Variants in HELZ observed in about 807,000 individuals in gnomAD.
HELZ encodes the protein ATP-dependent RNA helicase with zinc finger domain.
Under a neutral mutation model 218.2 loss-of-function variants are expected in HELZ, and 23 were observed. The observed-to-expected ratio is 0.11, with a 90% CI of 0.08 to 0.15. The LOEUF (loss-of-function observed/expected upper bound fraction) is 0.15. Among genes scored for constraint, HELZ ranks in the 10% least tolerant of loss-of-function variants. The probability of loss-of-function intolerance (pLI) is 1.00; values close to 1 mark genes in which losing one functional copy is unlikely to be tolerated. For synonymous variants in HELZ, 814 were observed against 829.4 expected (o/e 0.98, Z 0.32); for missense variants, 1,813 against 2,353.7 (o/e 0.77, Z 4.75).
At chr17:67,133,271 C>T (rs2038042991) in intron 23 of HELZ, among the ~76,000 whole-genome samples, 1 of 152,134 alleles carries the variant, frequency 6.6e-6, no homozygotes, top group Admixed American at 6.5e-5. Context: ...GCAGACTCAG[C>T]TTTGAAGTTA....
chr17:67,216,939 G>C (rs1375339786), intron 4 of HELZ, among the ~76,000 whole-genome samples: 1 of 152,108 alleles, frequency 6.6e-6, no homozygotes, highest in Admixed American at 6.5e-5. Flanking sequence ...TCTTGACACT[G>C]CAGCAGCCCA....
chr17:67,178,972 A>C (rs1363752892), intron 12 of HELZ, 46 bp from the exon 13 acceptor site: 11 of 1,274,532 alleles, frequency 8.6e-6, no homozygotes, highest in Non-Finnish European at 1.2e-5. Flanking sequence ...AGAACATTAA[A>C]ATTTTTAAAT....
chr17:67,217,420 T>C (rs1435739924), intron 4 of HELZ, among the ~76,000 whole-genome samples: 2 of 152,192 alleles, frequency 1.3e-5, no homozygotes, highest in Non-Finnish European at 2.9e-5. Context: ...ATTCTAATAG[T>C]CTCCAATCTA....
chr17:67,212,835 T>G (rs1008330213), intron 5 of HELZ, among the ~76,000 whole-genome samples: 1 of 152,178 alleles, frequency 6.6e-6, no homozygotes, highest in African/African-American at 2.4e-5. Flanking sequence ...GATTACTGAC[T>G]TAGGATAGTA....
chr17:67,207,305 C>T (rs995436638), intron 5 of HELZ, among the ~76,000 whole-genome samples: 6 of 149,882 alleles, frequency 4.0e-5, no homozygotes, highest in African/African-American at 7.4e-5. Context: ...CTGCAACCAC[C>T]GCCTCCTCAG....
intron 29 of HELZ, 80 bp downstream of exon 29, chr17:67,109,036 T>TG: frequency 8.3e-7 from 1 of 1,205,956 alleles, no homozygotes; most frequent in Non-Finnish European, 1.2e-6. Flanking sequence ...CAATTCAATC[T>TG]TAACCCAAAA....
At chr17:67,195,837 CCTT>C (rs1207865965) in intron 7 of HELZ, among the ~76,000 whole-genome samples, 4 of 66,830 alleles carry the variant, frequency 6.0e-5, no homozygotes, top group Admixed American at 3.4e-4. Context: ...GGTTTCTTTT[CCTT>C]TTTTTTTTTT....
At chr17:67,122,770 T>C (rs2037654306) in intron 26 of HELZ, among the ~76,000 whole-genome samples, 200 bp downstream of exon 26, 1 of 152,102 alleles carries the variant, frequency 6.6e-6, no homozygotes. Flanking sequence ...TTCTTCACAG[T>C]CACTAGTAAC....
At chr17:67,203,995 C>T (rs1387491340) in intron 5 of HELZ, among the ~76,000 whole-genome samples, 1 of 152,194 alleles carries the variant, frequency 6.6e-6, no homozygotes, top group East Asian at 1.9e-4. Context: ...TCATGAGGAT[C>T]ATGTTTCTAA....
chr17:67,213,206 T>C (rs2040502576), intron 5 of HELZ, among the ~76,000 whole-genome samples: 1 of 152,208 alleles, frequency 6.6e-6, no homozygotes, highest in Admixed American at 6.5e-5. Flanking sequence ...AAAAAGGAAC[T>C]ATTTCTCACA....
intron 31 of HELZ, among the ~76,000 whole-genome samples, chr17:67,104,559 T>C (rs1262956066): frequency 2.6e-5 from 4 of 151,122 alleles, no homozygotes; most frequent in Admixed American, 6.6e-5. Flanking sequence ...AAAAAATAGA[T>C]AAATTGTAGT....
intron 2 of HELZ, among the ~76,000 whole-genome samples, chr17:67,241,052 T>G (rs1248564975): frequency 6.6e-6 from 1 of 152,216 alleles, no homozygotes; most frequent in Non-Finnish European, 1.5e-5. Context: ...ATATGCTGCT[T>G]CTAGCCAATG....
chr17:67,085,097 ACT>A (rs1268327585), intron 32 of HELZ, among the ~76,000 whole-genome samples: 1 of 151,870 alleles, frequency 6.6e-6, no homozygotes, highest in Non-Finnish European at 1.5e-5. Context: ...ACAGAGCGAG[ACT>A]CTGTCTCAAA....
At chr17:67,153,021 CCT>C (rs1265515487) in intron 17 of HELZ, among the ~76,000 whole-genome samples, 1 of 151,890 alleles carries the variant, frequency 6.6e-6, no homozygotes, top group African/African-American at 2.4e-5. Flanking sequence ...ATATGATGAA[CCT>C]CAATATGATG....
At chr17:67,136,691 T>C (rs1298962269) in intron 22 of HELZ, among the ~76,000 whole-genome samples, 1 of 152,076 alleles carries the variant, frequency 6.6e-6, no homozygotes, top group Non-Finnish European at 1.5e-5. Flanking sequence ...AATAAACCAG[T>C]CAGGAAAGGA....
Position 67,078,394 on chromosome 17 carries a change from T to C in HELZ, c.5687A>G (p.Tyr1896Cys). Residue 1896 changes from tyrosine (Y) to cysteine (C), a missense_variant, in exon 33 of 33, where the codon TAT becomes TGT. By Grantham distance (194) the Tyr-to-Cys change is radical. Transcript: ENST00000358691. ...SSAGGKPAMS[Y>C]ASALRAPPKP... ...TGGAGGGGCCCGCAGAGCGCTGGCA[T>C]AGGACATGGCGGGCTTGCCCCCCGC... The C allele has an allele frequency of 6.2e-7, 1 of 1,605,794 alleles. No individual in the cohort carries two copies. The highest frequency in any genetic ancestry group is 8.5e-7 in the Non-Finnish European group (1 of 1,177,536).
chr17:67,110,521 A>G (rs2037249176), intron 28 of HELZ, among the ~76,000 whole-genome samples: 1 of 152,198 alleles, frequency 6.6e-6, no homozygotes, highest in African/African-American at 2.4e-5. Flanking sequence ...TTTCCATTAC[A>G]TATTGACATT....
intron 32 of HELZ, among the ~76,000 whole-genome samples, chr17:67,080,868 G>T (rs1486247154): frequency 6.6e-6 from 1 of 152,154 alleles, no homozygotes; most frequent in Non-Finnish European, 1.5e-5. Context: ...GCACAGGAGA[G>T]ACTAGTAACA....
At chr17:67,185,911 T>C (rs2039740800) in intron 12 of HELZ, among the ~76,000 whole-genome samples, 1 of 152,188 alleles carries the variant, frequency 6.6e-6, no homozygotes, top group African/African-American at 2.4e-5. Flanking sequence ...CTACCACATC[T>C]GAATGAAATG....
Sources: allele counts gnomAD v4.1 joint callset (sites outside exome capture counted in the v4.1 genomes callset), GRCh38; gene constraint gnomAD v4.1.1; transcripts MANE v1.5; gene names NCBI Gene and HGNC (gene_info 2026-07-23, HGNC 2026-07-21).